NFATC2: variants seen among roughly 807,000 people sequenced by gnomAD.
The protein encoded by NFATC2 is nuclear factor of activated T cells 2, also known as nuclear factor of activated T-cells, cytoplasmic 2.
NFATC2 carries 22 observed loss-of-function variants against 87.3 expected under a neutral mutation model. The ratio of observed to expected loss-of-function variants is 0.25; its 90% CI spans 0.18 to 0.36. The LOEUF (loss-of-function observed/expected upper bound fraction) is 0.36. Ranked by LOEUF, NFATC2 falls within the 10% of genes least tolerant of loss-of-function variation. The pLI is 1.00. For synonymous variants in NFATC2, 565 were observed against 542.2 expected, an observed-to-expected ratio of 1.04 and a Z score of -0.58; for missense variants, 1,149 against 1,259.1, an observed-to-expected ratio of 0.91 and a Z score of 1.32.
chr20:51,561,067 C>T (rs1451334352), intron 1 of NFATC2, among the ~76,000 whole-genome samples: 2 of 152,112 alleles, frequency 1.3e-5, no homozygotes, highest in African/African-American at 2.4e-5. Flanking sequence ...AACCCTTTCT[C>T]GCCCTTAATA....
intron 1 of NFATC2, among the ~76,000 whole-genome samples, chr20:51,551,152 C>T (rs1326155528): frequency 7.2e-5 from 11 of 152,144 alleles, no homozygotes; most frequent in Non-Finnish European, 1.6e-4. Context: ...GCATTTGACT[C>T]CAGCAAGGCT....
intron 8 of NFATC2, among the ~76,000 whole-genome samples, chr20:51,433,879 G>A (rs1453151884): frequency 6.6e-6 from 1 of 151,986 alleles, no homozygotes; most frequent in Non-Finnish European, 1.5e-5. Flanking sequence ...CCCTCGAGGT[G>A]CCATTCAAAG....
intron 5 of NFATC2, among the ~76,000 whole-genome samples, chr20:51,458,092 G>C (rs1211888875): frequency 2.0e-5 from 3 of 152,058 alleles, no homozygotes; most frequent in Non-Finnish European, 4.4e-5. Context: ...ACTCAGGCTT[G>C]TCTTGAACTC....
rs34489487 is a variant in NFATC2, at chr20:51,504,999, C to CTTTTTTTTTT, written c.1332+11775_1332+11784dup. ...GGTCATGAAGAGTGCTATCTAGTTC[C>CTTTTTTTTTT]TTTTTTTTTTTTTTTTTTTTTTTTT... On this transcript the variant is annotated intron_variant, in intron 3 of 10. Coordinates refer to ENST00000371564, the MANE Select transcript of NFATC2 (RefSeq NM_012340.5). Among the ~76,000 whole-genome samples the CTTTTTTTTTT allele has an allele frequency of 6.9e-5, 5 of 72,504 alleles. 1 individual carries two copies. The East Asian group carries it at 1.6e-3, about 24-fold the overall frequency. 47.6% of individuals were successfully genotyped at this position (72,504 alleles called of 152,430 possible). A position where few individuals can be genotyped will look rare whatever the true frequency, so the allele number is the denominator to read the frequency against.
At chr20:51,513,306 T>C (rs534429237) in intron 3 of NFATC2, among the ~76,000 whole-genome samples, 4 of 152,040 alleles carry the variant, frequency 2.6e-5, no homozygotes, top group East Asian at 1.9e-4. Context: ...AGGGAGACCA[T>C]GTCTCTACAA....
chr20:51,512,552 G>A (rs1024150626), intron 3 of NFATC2, among the ~76,000 whole-genome samples: 5 of 152,078 alleles, frequency 3.3e-5, no homozygotes, highest in African/African-American at 1.2e-4. Context: ...TTAAGGTTTG[G>A]GAACAAACTT....
At chr20:51,427,139 T>C (rs753274799) in intron 9 of NFATC2, among the ~76,000 whole-genome samples, 103 of 152,062 alleles carry the variant, frequency 6.8e-4, no homozygotes, top group African/African-American at 1.1e-3. Flanking sequence ...TGTTCTCTCA[T>C]CTGTGGCTGA....
intron 3 of NFATC2, among the ~76,000 whole-genome samples, chr20:51,481,267 C>T (rs1020209844): frequency 2.0e-5 from 3 of 152,186 alleles, no homozygotes; most frequent in African/African-American, 7.2e-5. Context: ...TTTGAGATGA[C>T]ATGATCTACC....
At chr20:51,469,418 A>G (rs998370403) in intron 5 of NFATC2, among the ~76,000 whole-genome samples, 4 of 152,192 alleles carry the variant, frequency 2.6e-5, no homozygotes, top group African/African-American at 9.7e-5. Context: ...CCAAAATGTC[A>G]GAGAAAGATC....
At chr20:51,405,765 G>A (rs1038150794) in intron 9 of NFATC2, among the ~76,000 whole-genome samples, 1 of 152,108 alleles carries the variant, frequency 6.6e-6, no homozygotes, top group African/African-American at 2.4e-5. Context: ...GAATGATTGG[G>A]CGAAAGAATA....
At chr20:51,400,836 G>T (rs908754332) in intron 9 of NFATC2, among the ~76,000 whole-genome samples, 3 of 152,194 alleles carry the variant, frequency 2.0e-5, no homozygotes, top group African/African-American at 7.2e-5. Context: ...GACTTGTCCA[G>T]GAACAGCCTC....
chr20:51,512,051 C>G (rs531307563), intron 3 of NFATC2, among the ~76,000 whole-genome samples: 1 of 152,158 alleles, frequency 6.6e-6, no homozygotes, highest in Non-Finnish European at 1.5e-5. Context: ...GTGCTGTGCT[C>G]TGTGTGTAGA....
intron 6 of NFATC2, among the ~76,000 whole-genome samples, chr20:51,445,010 C>T (rs1471574350): frequency 6.6e-6 from 1 of 152,146 alleles, no homozygotes; most frequent in South Asian, 2.1e-4. Context: ...GGTCCAGCTG[C>T]TCACTCACCT....
intron 10 of NFATC2, among the ~76,000 whole-genome samples, 175 bp downstream of exon 10, chr20:51,398,465 AGGT>A (rs1987557194): frequency 6.6e-6 from 1 of 151,974 alleles, no homozygotes. Context: ...ATTCTCAGGG[AGGT>A]CCCCAGGAGT....
chr20:51,386,973 C>G lies in NFATC2; in HGVS notation c.*4523G>C, dbSNP rs962382236. Reference sequence around the variant, plus strand: ...ACACCAAAGTAGATGTTGCTTCCAACTGTTTTATTGCTAAACTATCATGAT... The same window carrying G: ...ACACCAAAGTAGATGTTGCTTCCAAGTGTTTTATTGCTAAACTATCATGAT... On this transcript the variant is annotated 3_prime_UTR_variant, in exon 11 of 11. Transcript: ENST00000371564. The G allele has an allele frequency of 1.3e-5, 2 of 152,212 alleles. No individual in the cohort carries two copies. 9.4% of individuals were successfully genotyped at this position (152,212 alleles called of 1,614,324 possible).
rs200642234 is a variant in NFATC2 at position 51,432,328 on chromosome 20, G to A, written c.2461C>T (p.Arg821Cys). 62 of 1,614,062 alleles carry A rather than the reference G, an allele frequency of 3.8e-5. No homozygotes were observed. The highest frequency in any genetic ancestry group is 1.6e-4 in the Middle Eastern group (1 of 6,084). ...IHYSPTNQQL[R>C]CGSHQEFQHI... is the part of the protein sequence containing the mutation. The stretch of plus-strand genomic sequence containing the variant: ...TGGAACTCCTGGTGGCTTCCGCAGC[G>A]CAGCTGCTGGTTGGTGGGTGAGTAG... The change falls in exon 9 of 11, where the codon CGC becomes TGC. Residue 821 changes from arginine (R) to cysteine (C), a missense_variant. Arg to Cys is a radical substitution (Grantham distance 180). This residue lies in a region of NFATC2 where 581 missense variants were observed against 649.7 expected (regional missense o/e 0.89). Coordinates refer to ENST00000371564, the MANE Select transcript of NFATC2 (RefSeq NM_012340.5). The surrounding 1 kb of genome is among the most constrained non-coding windows in gnomAD (Gnocchi z 4.6).
At chr20:51,554,310 A>G (rs2076959526) in intron 1 of NFATC2, among the ~76,000 whole-genome samples, 2 of 152,300 alleles carry the variant, frequency 1.3e-5, no homozygotes, top group Non-Finnish European at 2.9e-5. Context: ...GCAAACAGGC[A>G]TGTCTCATAG....
chr20:51,432,218 C>G lies in NFATC2; in HGVS notation c.2571G>C (p.Pro857=). Residue 857 remains proline, a synonymous_variant, in exon 9 of 11, where the codon CCG becomes CCC. Transcript: ENST00000371564. This position sits in a 1 kb window ranked among gnomAD's most constrained non-coding sequence, Gnocchi z 4.6. ...PPVSQGQRLS[P]GSYPTVIQQQ... is the part of the protein sequence containing the mutation. ...GCTGAATGACTGTGGGGTAGGAACCCGGGCTCAGCCTCTGACCTTGACTGA... is the reference window on the plus strand; with the variant it reads ...GCTGAATGACTGTGGGGTAGGAACCGGGGCTCAGCCTCTGACCTTGACTGA... 1.2e-6 allele frequency: 2 copies of G among 1,613,700 alleles called. No individual in the cohort carries two copies. Among genetic ancestry groups the G allele is most frequent in the Non-Finnish European group, 1.7e-6 (2 of 1,179,740 alleles).
chr20:51,517,420 C>T (rs1237572682), intron 2 of NFATC2, among the ~76,000 whole-genome samples: 1 of 151,928 alleles, frequency 6.6e-6, no homozygotes, highest in Non-Finnish European at 1.5e-5. Context: ...GAGACCCTGT[C>T]TCTACTAAAA....
Sources: allele counts gnomAD v4.1 joint callset (sites outside exome capture counted in the v4.1 genomes callset), GRCh38; gene constraint gnomAD v4.1.1; regional missense constraint gnomAD v4.1.1; non-coding constraint Gnocchi (gnomAD v3.1); transcripts MANE v1.5; gene names NCBI Gene and HGNC (gene_info 2026-07-23, HGNC 2026-07-21).